Variants in FNBP1 observed in about 807,000 individuals in gnomAD.
FNBP1 encodes the protein formin-binding protein 1.
In FNBP1, 26 loss-of-function variants were observed where a neutral mutation model predicts 90.6. The observed-to-expected ratio is 0.29, with a 90% CI of 0.21 to 0.40. The LOEUF (loss-of-function observed/expected upper bound fraction) is 0.40. Ranked by LOEUF, FNBP1 falls within the 10% of genes least tolerant of loss-of-function variation. The pLI, the probability that FNBP1 is intolerant of heterozygous loss-of-function variation, is 1.00. For synonymous variants in FNBP1, 260 were observed against 265.2 expected (o/e 0.98, Z 0.19); for missense variants, 635 against 768.0 (o/e 0.83, Z 2.05).
At position 129,975,902 on chromosome 9, in the gene FNBP1, T is replaced by TAAA. The variant is rs34630525; in HGVS notation, c.345+2560_345+2562dup. 7.7e-3 allele frequency among the ~76,000 whole-genome samples: 565 copies of TAAA among 73,854 alleles called. 4 individuals carry two copies. Among genetic ancestry groups the TAAA allele is most frequent in the South Asian group, 0.024 (38 of 1,586 alleles). 48.5% of individuals were successfully genotyped at this position (73,854 alleles called of 152,430 possible). A position where few individuals can be genotyped will look rare whatever the true frequency, so the allele number is the denominator to read the frequency against. On this transcript the variant is annotated intron_variant, in intron 4 of 16. Transcript: ENST00000446176. ...TGGGCAACACAGTGAGACTCCATCT[T>TAAA]AAAAAAAAAAAAAAAAAAAAAAGGA...
chr9:129,900,546 G>T lies in FNBP1; in HGVS notation c.1430C>A (p.Ala477Asp), dbSNP rs111319812. The stretch of plus-strand genomic sequence containing the variant: ...CCGGCCTTCAACCTCAGCCAGCCAG[G>T]CCTGGAGACAAAAGCAATGAGAGAC... ...KLRVETQKFEAWLAEVEGRLP... is the reference protein window; with the variant it reads ...KLRVETQKFEDWLAEVEGRLP... The change falls in exon 14 of 17, where the codon GCC (alanine) becomes GAC (aspartate). Residue 477 changes from alanine to aspartate, a missense_variant and splice_region_variant. Transcript: ENST00000446176. This position sits in a 1 kb window ranked among gnomAD's most constrained non-coding sequence, Gnocchi z 4.1. 1.3e-6 allele frequency: 2 copies of T among 1,558,358 alleles called. No homozygotes were observed. The highest frequency in any genetic ancestry group is 1.4e-5 in the African/African-American group (1 of 72,378).
At chr9:129,917,394 A>T (rs1282372290) in intron 10 of FNBP1, among the ~76,000 whole-genome samples, 1 of 151,894 alleles carries the variant, frequency 6.6e-6, no homozygotes, top group Admixed American at 6.6e-5. Context: ...GCATGGTGGC[A>T]CAATCCCAGC....
intron 6 of FNBP1, among the ~76,000 whole-genome samples, chr9:129,940,861 G>A (rs1256975593): frequency 6.6e-6 from 1 of 151,776 alleles, no homozygotes; most frequent in Admixed American, 6.6e-5. Context: ...TCTTGACCTC[G>A]TGATCTGCCC....
chr9:129,976,360 G>A (rs945068581), intron 4 of FNBP1, among the ~76,000 whole-genome samples: 4 of 152,158 alleles, frequency 2.6e-5, no homozygotes, highest in African/African-American at 9.7e-5. Flanking sequence ...GATAAATGTG[G>A]CTGGAGTAGG....
chr9:129,919,856 G>T (rs1274493207), intron 10 of FNBP1, among the ~76,000 whole-genome samples: 1 of 152,188 alleles, frequency 6.6e-6, no homozygotes, highest in Non-Finnish European at 1.5e-5. Flanking sequence ...AAATGAGAAG[G>T]TAGGAAGGGC....
intron 10 of FNBP1, among the ~76,000 whole-genome samples, chr9:129,921,368 C>CCAGG: frequency 6.6e-6 from 1 of 151,526 alleles, no homozygotes; most frequent in South Asian, 2.1e-4. Flanking sequence ...GCACATGCCA[C>CCAGG]CATGCCTGGC....
chr9:130,013,856 C>T (rs1753545085), intron 1 of FNBP1: 3 of 429,400 alleles, frequency 7.0e-6, no homozygotes, highest in Middle Eastern at 3.7e-4. Flanking sequence ...GAGTTTGATG[C>T]CCTCTTGCTC....
chr9:129,903,993 C>T (rs1179484509), intron 12 of FNBP1, among the ~76,000 whole-genome samples: 3 of 152,104 alleles, frequency 2.0e-5, no homozygotes, highest in Non-Finnish European at 4.4e-5. Context: ...GCCGAGATCA[C>T]GCCACTGCAC....
In FNBP1 at chr9:129,902,937, A is replaced by C. The variant is rs1298294311; in HGVS notation, c.1360T>G (p.Leu454Val). 6 of 1,611,390 alleles carry C rather than the reference A, an allele frequency of 3.7e-6. No individual in the cohort carries two copies. Among genetic ancestry groups the C allele is most frequent in the Admixed American group, 1.7e-5 (1 of 59,518 alleles). ...KNPQMGDPAS[L>V]DHKLAEVSQN... is the part of the protein sequence containing the mutation. ...CTGACTTCTGCTAATTTGTGATCCA[A>C]ACTGGCTGGGTCTCCCATCTGAGGA... Residue 454 changes from leucine (L) to valine (V), a missense_variant, in exon 13 of 17, where the codon TTG (leucine) becomes GTG (valine). Coordinates refer to ENST00000446176, the MANE Select transcript of FNBP1 (RefSeq NM_015033.3).
At chr9:129,960,604 G>C (rs892301179) in intron 4 of FNBP1, among the ~76,000 whole-genome samples, 1 of 152,002 alleles carries the variant, frequency 6.6e-6, no homozygotes, top group African/African-American at 2.4e-5. Flanking sequence ...AGGAGCCTCG[G>C]GGAGAATATC....
chr9:130,009,508 T>TA (rs531560028), intron 1 of FNBP1, among the ~76,000 whole-genome samples: 1,972 of 145,890 alleles, frequency 0.014, 24 homozygotes, highest in Middle Eastern at 0.063. Context: ...TCATTTCTAC[T>TA]AAAAAAAAAA....
chr9:129,902,822 C>T (rs1487422887), intron 13 of FNBP1, 47 bp downstream of exon 13: 1 of 1,601,740 alleles, frequency 6.2e-7, no homozygotes, highest in Admixed American at 1.7e-5. Flanking sequence ...CCGAGGAACA[C>T]CTGTTCTTCG....
chr9:129,944,789 C>G (rs186212068), intron 6 of FNBP1, among the ~76,000 whole-genome samples: 5 of 152,266 alleles, frequency 3.3e-5, no homozygotes, highest in Admixed American at 1.3e-4. Context: ...CATGTCATGC[C>G]ATTTGTAAGC....
chr9:129,929,459 A>G, intron 7 of FNBP1, 108 bp downstream of exon 7: 1 of 984,424 alleles, frequency 1.0e-6, no homozygotes, highest in South Asian at 1.7e-5. Flanking sequence ...GGAATTATAT[A>G]AAGACTCAGA....
In FNBP1 at chr9:129,982,636, G is replaced by T. The variant is rs568085568; in HGVS notation, c.141-3262C>A. Among the ~76,000 whole-genome samples the T allele has an allele frequency of 4.6e-5, 7 of 152,188 alleles. No individual in the cohort carries two copies. In the South Asian group the frequency reaches 1.4e-3, roughly 32 times the overall value. ...GCATGTGAGATATTTCTAGTGCGTGGTTTATTTTACAATTCATTTTTATTT... is the reference window on the plus strand; with the variant it reads ...GCATGTGAGATATTTCTAGTGCGTGTTTTATTTTACAATTCATTTTTATTT... On this transcript the variant is annotated intron_variant, in intron 2 of 16. Transcript: ENST00000446176.
chr9:129,913,217 A>C (rs1188262157), intron 11 of FNBP1, among the ~76,000 whole-genome samples: 1 of 152,126 alleles, frequency 6.6e-6, no homozygotes, highest in Non-Finnish European at 1.5e-5. Flanking sequence ...CAAAACAAAA[A>C]CAAAAACAAA....
chr9:129,890,933 G>A lies in FNBP1; in HGVS notation c.1847-387C>T, dbSNP rs1324335906. Among the ~76,000 whole-genome samples, 1 of 152,188 alleles carries A rather than the reference G, an allele frequency of 6.6e-6. No homozygotes were observed. Among genetic ancestry groups the A allele is most frequent in the East Asian group, 1.9e-4 (1 of 5,192 alleles). On this transcript the variant is annotated intron_variant, in intron 16 of 16. Transcript: ENST00000446176. This position sits in a 1 kb window ranked among gnomAD's most constrained non-coding sequence, Gnocchi z 5.8. ...GCACTTTGGGAGCCTGAGGCAGGCAGATCACGAGGTCAGGAGTTCAAGACC... is the reference window on the plus strand; with the variant it reads ...GCACTTTGGGAGCCTGAGGCAGGCAAATCACGAGGTCAGGAGTTCAAGACC...
chr9:130,052,921 C>T, the FNBP1 span, among the ~76,000 whole-genome samples: 1 of 151,788 alleles, frequency 6.6e-6, no homozygotes, highest in Non-Finnish European at 1.5e-5. Context: ...TCGAGACCAG[C>T]CTGGCCAACA....
chr9:129,966,497 G>A lies in FNBP1; in HGVS notation c.346-7944C>T, dbSNP rs1482050500. Among the ~76,000 whole-genome samples, 22 of 152,172 alleles carry A rather than the reference G, an allele frequency of 1.4e-4. 1 individual carries two copies. Among genetic ancestry groups the A allele is most frequent in the Admixed American group, 1.4e-3 (22 of 15,276 alleles). ...TAATCCCAGCACTTTGGGAGGTCGA[G>A]ATGGGCGGATCATTTGAGGTCAGGA... is the stretch of plus-strand genomic sequence containing the variant. On this transcript the variant is annotated intron_variant, in intron 4 of 16. Transcript: ENST00000446176. The surrounding 1 kb of genome is among the most constrained non-coding windows in gnomAD (Gnocchi z 4.3).
Sources: gnomAD v4.1 joint callset for allele counts (sites outside exome capture counted in the v4.1 genomes callset) on GRCh38, gnomAD v4.1.1 for gene constraint, Gnocchi (gnomAD v3.1) non-coding constraint, MANE v1.5 for transcripts, NCBI Gene and HGNC (gene_info 2026-07-23, HGNC 2026-07-21) for gene names.